Variants in EIF4G3 observed in about 807,000 individuals in gnomAD.
EIF4G3 encodes the protein eukaryotic translation initiation factor 4 gamma 3, also known as eIF-4-gamma 3.
Under a neutral mutation model 186.4 loss-of-function variants are expected in EIF4G3, and 34 were observed. That is an observed-to-expected ratio of 0.18 (90% CI 0.14 to 0.24). The LOEUF (loss-of-function observed/expected upper bound fraction) is 0.24, where lower values mean the gene tolerates loss of function less well. Ranked by LOEUF, EIF4G3 falls within the 10% of genes least tolerant of loss-of-function variation. EIF4G3 has a pLI of 1.00. For synonymous variants in EIF4G3, 673 were observed against 679.5 expected, an observed-to-expected ratio of 0.99 and a Z score of 0.15; for missense variants, 1,536 against 1,948.5, an observed-to-expected ratio of 0.79 and a Z score of 3.99.
chr1:20,999,479 A>G (rs1377443080), intron 6 of EIF4G3: 1 of 317,426 alleles, frequency 3.2e-6, no homozygotes, highest in African/African-American at 2.2e-5. Context: ...AATTAACCTG[A>G]GTATGGCAGT....
At position 20,904,471 on chromosome 1, in the gene EIF4G3, G is replaced by A. The variant is rs571215466; in HGVS notation, c.1752+412C>T. On this transcript the variant is annotated intron_variant, in intron 15 of 36. Coordinates refer to ENST00000602326, the MANE Select transcript of EIF4G3 (RefSeq NM_001391906.1). ...AGCAATCCTCCCACCTGAGCCTCCC[G>A]AGTAGCTGGGACCACAGGTATGCGC... Among the ~76,000 whole-genome samples, 187 of 152,172 alleles carry A rather than the reference G, an allele frequency of 1.2e-3. 1 individual carries two copies. The highest frequency in any genetic ancestry group is 4.2e-3 in the African/African-American group (175 of 41,528).
intron 4 of EIF4G3, chr1:21,003,574 A>G (rs1481937951): frequency 1.1e-5 from 3 of 279,168 alleles, no homozygotes; most frequent in South Asian, 3.9e-5. Flanking sequence ...TTTCCCTCCT[A>G]TGTGTTTCAC....
chr1:20,977,683 A>G (rs1056047539), intron 10 of EIF4G3, among the ~76,000 whole-genome samples: 6 of 152,210 alleles, frequency 3.9e-5, no homozygotes, highest in African/African-American at 1.4e-4. Flanking sequence ...GACATCAATA[A>G]TATCTGAGAT....
At chr1:20,828,677 C>T (rs1455963602) in intron 31 of EIF4G3, among the ~76,000 whole-genome samples, 2 of 152,178 alleles carry the variant, frequency 1.3e-5, no homozygotes, top group East Asian at 3.8e-4. Context: ...TATAACGTAG[C>T]ATCCATTCCC....
At chr1:21,041,021 T>A (rs2093546057) in intron 4 of EIF4G3, among the ~76,000 whole-genome samples, 1 of 151,906 alleles carries the variant, frequency 6.6e-6, no homozygotes. Flanking sequence ...ACCCCTAGAG[T>A]CTCTATGAAT....
intron 3 of EIF4G3, among the ~76,000 whole-genome samples, chr1:21,055,780 A>C (rs1255154506): frequency 6.6e-6 from 1 of 152,166 alleles, no homozygotes; most frequent in South Asian, 2.1e-4. Flanking sequence ...AACTAAATAC[A>C]TAAAAAATAT....
At chr1:21,041,036 C>G (rs182550068) in intron 4 of EIF4G3, among the ~76,000 whole-genome samples, 1 of 151,978 alleles carries the variant, frequency 6.6e-6, no homozygotes, top group South Asian at 2.1e-4. Flanking sequence ...ATGAATTTGC[C>G]GTGATTCTGG....
intron 31 of EIF4G3, among the ~76,000 whole-genome samples, chr1:20,828,029 G>GTT (rs67354523): frequency 0.019 from 2,364 of 127,174 alleles, 39 homozygotes; most frequent in Non-Finnish European, 0.025. Context: ...CTTTTATAAA[G>GTT]TTTTTTTTTT....
chr1:21,154,800 T>C (rs533755759), intron 2 of EIF4G3, among the ~76,000 whole-genome samples: 22 of 152,186 alleles, frequency 1.4e-4, no homozygotes, highest in Non-Finnish European at 2.2e-4. Flanking sequence ...TCTTTAGCAG[T>C]ATGATAAAAG....
At chr1:20,876,266 G>A (rs2080788661) in intron 20 of EIF4G3, among the ~76,000 whole-genome samples, 1 of 145,650 alleles carries the variant, frequency 6.9e-6, no homozygotes, top group Non-Finnish European at 1.5e-5. Flanking sequence ...GAGGGAGGGA[G>A]GCAGGCTCCA....
intron 2 of EIF4G3, among the ~76,000 whole-genome samples, chr1:21,097,955 A>G (rs184991251): frequency 5.9e-5 from 9 of 152,116 alleles, no homozygotes; most frequent in Non-Finnish European, 8.8e-5. Context: ...AAAAAAATTG[A>G]TATGACCAGG....
At chr1:20,816,529 C>T (rs1277857342) in intron 34 of EIF4G3, among the ~76,000 whole-genome samples, 1 of 70,256 alleles carries the variant, frequency 1.4e-5, no homozygotes. Flanking sequence ...GCCGCCCTAT[C>T]CAGGAGGTGA....
chr1:20,908,667 G>A (rs1363933130), intron 14 of EIF4G3, among the ~76,000 whole-genome samples: 2 of 151,980 alleles, frequency 1.3e-5, no homozygotes, highest in Non-Finnish European at 2.9e-5. Flanking sequence ...CTTTTTATGT[G>A]GGCTTAACTG....
chr1:20,869,336 C>T lies in EIF4G3; in HGVS notation c.2623-4074G>A, dbSNP rs191835492. 3.6e-5 allele frequency among the ~76,000 whole-genome samples: 4 copies of T among 109,938 alleles called. No homozygotes were observed. The Admixed American group carries it at 4.7e-4, about 13-fold the overall frequency. 72.1% of individuals were successfully genotyped at this position (109,938 alleles called of 152,430 possible). On this transcript the variant is annotated intron_variant, in intron 20 of 36. Transcript: ENST00000602326. ...TTTTTTTTTTTTTTTTTTTTGGAGACAGTGTCTCCCTATGTTGCCAAGGCT... is the reference window on the plus strand; with the variant it reads ...TTTTTTTTTTTTTTTTTTTTGGAGATAGTGTCTCCCTATGTTGCCAAGGCT...
At chr1:21,039,334 AAAAC>A (rs1343458788) in intron 4 of EIF4G3, among the ~76,000 whole-genome samples, 1 of 152,266 alleles carries the variant, frequency 6.6e-6, no homozygotes, top group Non-Finnish European at 1.5e-5. Context: ...AGAACACAGA[AAAAC>A]AAAATTTTTA....
intron 8 of EIF4G3, among the ~76,000 whole-genome samples, chr1:20,981,597 GTA>G (rs2078095021): frequency 1.6e-5 from 2 of 122,334 alleles, no homozygotes; most frequent in African/African-American, 3.2e-5. Flanking sequence ...ATACATACAT[GTA>G]TACGCACATA....
chr1:21,154,719 G>T, intron 2 of EIF4G3, among the ~76,000 whole-genome samples: 1 of 152,130 alleles, frequency 6.6e-6, no homozygotes, highest in East Asian at 1.9e-4. Context: ...AATTCTAGCT[G>T]AACTATTAAT....
intron 2 of EIF4G3, among the ~76,000 whole-genome samples, chr1:21,115,799 C>G (rs921763737): frequency 6.6e-6 from 1 of 152,128 alleles, no homozygotes; most frequent in Non-Finnish European, 1.5e-5. Flanking sequence ...TTATTGCACC[C>G]GTGAACTCCT....
At chr1:21,117,659 T>C (rs1340164542) in intron 2 of EIF4G3, among the ~76,000 whole-genome samples, 1 of 143,962 alleles carries the variant, frequency 6.9e-6, no homozygotes, top group Non-Finnish European at 1.5e-5. Flanking sequence ...GTACACTGGG[T>C]ATGGCTAAAC....
Sources: gnomAD v4.1 joint callset for allele counts (sites outside exome capture counted in the v4.1 genomes callset) on GRCh38, gnomAD v4.1.1 for gene constraint, MANE v1.5 for transcripts, NCBI Gene and HGNC (gene_info 2026-07-23, HGNC 2026-07-21) for gene names.